The following AGAP1 variants were observed in gnomAD, a reference collection of about 807,000 sequenced individuals.
AGAP1 encodes the protein arf-GAP with GTPase, ANK repeat and PH domain-containing protein 1.
Under a neutral mutation model 105.3 loss-of-function variants are expected in AGAP1, and 29 were observed. The observed-to-expected ratio is 0.28, with a 90% confidence interval of 0.21 to 0.38. The LOEUF (loss-of-function observed/expected upper bound fraction) is 0.38. Ranked by LOEUF, AGAP1 falls within the 10% of genes least tolerant of loss-of-function variation. The probability of loss-of-function intolerance (pLI) is 1.00; values close to 1 mark genes in which losing one functional copy is unlikely to be tolerated. For missense variants in AGAP1, 998 were observed against 1,165.1 expected (o/e 0.86, Z 2.09); for synonymous variants, 509 against 485.9 (o/e 1.05, Z -0.63).
intron 11 of AGAP1, among the ~76,000 whole-genome samples, chr2:235,922,191 G>A (rs368879639): frequency 7.9e-5 from 12 of 152,194 alleles, no homozygotes; most frequent in Non-Finnish European, 1.2e-4. Flanking sequence ...AGATTGGACC[G>A]AAGAAAGCCG....
chr2:235,777,386 G>A lies in AGAP1; in HGVS notation c.674-20373G>A, dbSNP rs769069451. On this transcript the variant is annotated intron_variant, in intron 6 of 17. Coordinates refer to ENST00000304032, the MANE Select transcript of AGAP1 (RefSeq NM_001037131.3). This position sits in a 1 kb window ranked among gnomAD's most constrained non-coding sequence, Gnocchi z 5.1. ...CAAAAGTGATTTCCTGAGCTGCTCC[G>A]AGCTGGAGACAGAACCAGCAGACAT... Among the ~76,000 whole-genome samples, 45 of 152,264 alleles carry A rather than the reference G, an allele frequency of 3.0e-4. No homozygotes were observed. Among genetic ancestry groups the A allele is most frequent in the South Asian group, 6.2e-4 (3 of 4,820 alleles).
rs144110049 is a variant in AGAP1, at chr2:235,563,927, A to G, written c.163+69078A>G. On this transcript the variant is annotated intron_variant, in intron 1 of 17. Coordinates refer to ENST00000304032, the MANE Select transcript of AGAP1 (RefSeq NM_001037131.3). ...GAAGCTTGCTCCAGGTTACATGGCT[A>G]TCAGTGGGAAGCTGGGTGGGGGGTG... Among the ~76,000 whole-genome samples, 820 of 152,216 alleles carry G rather than the reference A, an allele frequency of 5.4e-3. 8 individuals carry two copies. The highest frequency in any genetic ancestry group is 0.01 in the Middle Eastern group (3 of 294).
At chr2:235,651,184 C>CAAAAAAAAAAAAAAAAAAAAAAAA (rs55990003) in intron 1 of AGAP1, among the ~76,000 whole-genome samples, 2 of 54,112 alleles carry the variant, frequency 3.7e-5, no homozygotes, top group African/African-American at 5.0e-5. Flanking sequence ...AACTCCATCT[C>CAAAAAAAAAAAAAAAAAAAAAAAA]AAAAAAAAAA....
rs932845148 is a variant in AGAP1 at position 236,082,006 on chromosome 2, G to A, written c.2114+32725G>A. 2.0e-5 allele frequency among the ~76,000 whole-genome samples: 3 copies of A among 152,112 alleles called. No homozygotes were observed. The highest frequency in any genetic ancestry group is 2.1e-4 in the South Asian group (1 of 4,832). ...AATTTAGAGACAGGAAATATAGCAC[G>A]CCTAGTCACTAATCCAAAAGGAATG... On this transcript the variant is annotated intron_variant, in intron 16 of 17. Coordinates refer to ENST00000304032, the MANE Select transcript of AGAP1 (RefSeq NM_001037131.3). This position sits in a 1 kb window ranked among gnomAD's most constrained non-coding sequence, Gnocchi z 4.2.
rs947173744 is a variant in AGAP1 at position 236,062,090 on chromosome 2, C to T, written c.2114+12809C>T. On this transcript the variant is annotated intron_variant, in intron 16 of 17. Transcript: ENST00000304032. The surrounding 1 kb of genome is among the most constrained non-coding windows in gnomAD (Gnocchi z 4.2). ...GCACTGCAGCCAAATTCCTGCCCTG[C>T]GGACGGCCCACAGGGGAGCGAGAGC... Among the ~76,000 whole-genome samples, 3 of 152,194 alleles carry T rather than the reference C, an allele frequency of 2.0e-5. No individual in the cohort carries two copies. Among genetic ancestry groups the T allele is most frequent in the African/African-American group, 7.2e-5 (3 of 41,520 alleles).
At chr2:235,604,429 C>T (rs1945845904) in intron 1 of AGAP1, among the ~76,000 whole-genome samples, 1 of 151,408 alleles carries the variant, frequency 6.6e-6, no homozygotes, top group Non-Finnish European at 1.5e-5. Flanking sequence ...CTGTAGAAAA[C>T]CACGATTGTG....
At chr2:235,528,770 G>C (rs888891367) in intron 1 of AGAP1, among the ~76,000 whole-genome samples, 2 of 152,078 alleles carry the variant, frequency 1.3e-5, no homozygotes, top group African/African-American at 4.8e-5. Context: ...TCCGCCTCCC[G>C]GGTTGCAAGC....
chr2:236,054,641 A>G (rs2125729806), intron 16 of AGAP1, among the ~76,000 whole-genome samples: 1 of 152,324 alleles, frequency 6.6e-6, no homozygotes, highest in East Asian at 1.9e-4. Flanking sequence ...GCTACTCAGA[A>G]CACGCATAAC....
At chr2:235,688,097 T>C (rs1949557461) in intron 1 of AGAP1, among the ~76,000 whole-genome samples, 1 of 152,064 alleles carries the variant, frequency 6.6e-6, no homozygotes, top group South Asian at 2.1e-4. Flanking sequence ...AGACGGGGTT[T>C]CACCATGCTG....
Position 235,574,965 on chromosome 2 carries a change from A to G in AGAP1, c.163+80116A>G, listed in dbSNP as rs1944685227. Among the ~76,000 whole-genome samples the G allele has an allele frequency of 6.6e-6, 1 of 152,104 alleles. No homozygotes were observed. Among genetic ancestry groups the G allele is most frequent in the Admixed American group, 6.6e-5 (1 of 15,260 alleles). On this transcript the variant is annotated intron_variant, in intron 1 of 17. Transcript: ENST00000304032. The surrounding 1 kb of genome is among the most constrained non-coding windows in gnomAD (Gnocchi z 5.0). ...TGGCAAAGCCCTGACTCTTCCAAAC[A>G]TACAAAAATCAGCGAGGCATGGAGG...
chr2:235,695,762 C>A (rs1048321249), intron 1 of AGAP1, among the ~76,000 whole-genome samples: 1 of 152,172 alleles, frequency 6.6e-6, no homozygotes, highest in Admixed American at 6.5e-5. Flanking sequence ...ACAAAGAAAC[C>A]ATGCGTATTC....
chr2:235,514,792 G>A (rs543772502), intron 1 of AGAP1, among the ~76,000 whole-genome samples: 7 of 152,368 alleles, frequency 4.6e-5, no homozygotes, highest in Admixed American at 1.3e-4. Flanking sequence ...GACTGGACAC[G>A]TGGTGAGAGC....
At chr2:235,522,891 T>C (rs897104458) in intron 1 of AGAP1, among the ~76,000 whole-genome samples, 2 of 152,152 alleles carry the variant, frequency 1.3e-5, no homozygotes, top group African/African-American at 4.8e-5. Flanking sequence ...CCTTCTGATA[T>C]CTCCTGGGTT....
intron 6 of AGAP1, among the ~76,000 whole-genome samples, chr2:235,765,374 T>C (rs969585232): frequency 6.6e-6 from 1 of 151,922 alleles, no homozygotes; most frequent in Non-Finnish European, 1.5e-5. Flanking sequence ...GCTTTCCCCA[T>C]GGGTGGTAGT....
chr2:235,980,520 C>T (rs944917051), intron 13 of AGAP1, among the ~76,000 whole-genome samples: 1 of 152,194 alleles, frequency 6.6e-6, no homozygotes, highest in Non-Finnish European at 1.5e-5. Context: ...GATATCTCAC[C>T]GCATTTGCCG....
rs1955286928 is a variant in AGAP1 at position 235,769,933 on chromosome 2, A to G, written c.673+19445A>G. ...ACTTCACATGTATTTCTATTAAGATACACACTTATGTATGTTTCATATATT... is the reference window on the plus strand; with the variant it reads ...ACTTCACATGTATTTCTATTAAGATGCACACTTATGTATGTTTCATATATT... On this transcript the variant is annotated intron_variant, in intron 6 of 17. Transcript: ENST00000304032. This position sits in a 1 kb window ranked among gnomAD's most constrained non-coding sequence, Gnocchi z 4.4. Among the ~76,000 whole-genome samples the G allele has an allele frequency of 6.6e-6, 1 of 152,216 alleles. No individual in the cohort carries two copies. Among genetic ancestry groups the G allele is most frequent in the African/African-American group, 2.4e-5 (1 of 41,454 alleles).
At chr2:235,542,288 G>A (rs1445599783) in intron 1 of AGAP1, among the ~76,000 whole-genome samples, 1 of 152,192 alleles carries the variant, frequency 6.6e-6, no homozygotes, top group Non-Finnish European at 1.5e-5. Context: ...CCCATCCTGA[G>A]CATAAGGGCC....
rs749948471 is a variant in AGAP1, at chr2:236,035,171, A to G, written c.1646-1390A>G. On this transcript the variant is annotated intron_variant, in intron 13 of 17. Transcript: ENST00000304032. The surrounding 1 kb of genome is among the most constrained non-coding windows in gnomAD (Gnocchi z 4.2). The stretch of plus-strand genomic sequence containing the variant: ...CGTGCAGTAGACATGAGCCAGCCCA[A>G]TGGCCACGGGCTGGTGACAGAGATA... Among the ~76,000 whole-genome samples, 10 of 152,182 alleles carry G rather than the reference A, an allele frequency of 6.6e-5. No homozygotes were observed. The highest frequency in any genetic ancestry group is 9.7e-5 in the African/African-American group (4 of 41,450).
chr2:235,636,136 TAAATAAATA>T (rs1292970825), intron 1 of AGAP1, among the ~76,000 whole-genome samples: 1 of 151,292 alleles, frequency 6.6e-6, no homozygotes, highest in East Asian at 1.9e-4. Flanking sequence ...AATAAATAAA[TAAATAAATA>T]AATAAATAAA....
Sources: gnomAD v4.1 joint callset for allele counts (sites outside exome capture counted in the v4.1 genomes callset) on GRCh38, gnomAD v4.1.1 for gene constraint, Gnocchi (gnomAD v3.1) non-coding constraint, MANE v1.5 for transcripts, NCBI Gene and HGNC (gene_info 2026-07-23, HGNC 2026-07-21) for gene names.